Variants in SDK1 observed in about 807,000 individuals in gnomAD.
The protein encoded by SDK1 is sidekick cell adhesion molecule 1, also known as protein sidekick-1.
In SDK1, 157 loss-of-function variants were observed where a neutral mutation model predicts 245.5. The observed-to-expected ratio is 0.64, with a 90% CI of 0.56 to 0.73. SDK1 has a LOEUF of 0.73. Among genes scored for constraint, SDK1 ranks in the 30% least tolerant of loss-of-function variants. The pLI, the probability that SDK1 is intolerant of heterozygous loss-of-function variation, is 0.00. For synonymous variants in SDK1, 1,647 were observed against 1,278.5 expected, an observed-to-expected ratio of 1.29 and a Z score of -6.15; for missense variants, 3,583 against 3,002.3, an observed-to-expected ratio of 1.19 and a Z score of -4.52.
intron 1 of SDK1, among the ~76,000 whole-genome samples, chr7:3,523,256 T>G: frequency 6.6e-6 from 1 of 152,166 alleles, no homozygotes; most frequent in East Asian, 1.9e-4. Context: ...TAAAGAGCTC[T>G]TTCTCAATTA....
chr7:4,183,655 A>G (rs1782720591), intron 35 of SDK1, among the ~76,000 whole-genome samples: 1 of 152,008 alleles, frequency 6.6e-6, no homozygotes, highest in South Asian at 2.1e-4. Context: ...AAAAAAAAAA[A>G]AAAAGAAAGT....
rs553874737 is a variant in SDK1, at chr7:4,147,115, A to AC, written c.4423+1200dup. Among the ~76,000 whole-genome samples the AC allele has an allele frequency of 2.6e-4, 40 of 152,284 alleles. No individual in the cohort carries two copies. The East Asian group carries it at 6.4e-3, about 24-fold the overall frequency. On this transcript the variant is annotated intron_variant, in intron 29 of 44. Coordinates refer to ENST00000404826, the MANE Select transcript of SDK1 (RefSeq NM_152744.4). ...ACCCAGGGACCCTGTGGGAATGAGG[A>AC]CGGGAGGGAGCTTGCAGGCACCACT...
Position 4,029,228 on chromosome 7 carries a change from T to TTTTTTTTTTGTGTG in SDK1, c.2602+11877_2602+11878insTTTTTTTTGTGTGT, listed in dbSNP as rs746967075. On this transcript the variant is annotated intron_variant, in intron 17 of 44. Transcript: ENST00000404826. Reference sequence around the variant, plus strand: ...TTTTATTCTTTCTTTTTTTTTTTTTTTGTGAAGAAGTCTCACTCTGTCATC... The same window carrying TTTTTTTTTTGTGTG: ...TTTTATTCTTTCTTTTTTTTTTTTTTTTTTTTTTTGTGTGTGTGAAGAAGTCTCACTCTGTCATC... 5.1e-3 allele frequency among the ~76,000 whole-genome samples: 566 copies of TTTTTTTTTTGTGTG among 112,012 alleles called. 95 individuals carry two copies. The highest frequency in any genetic ancestry group is 0.027 in the African/African-American group (536 of 20,036). 73.5% of individuals were successfully genotyped at this position (112,012 alleles called of 152,430 possible). A position where few individuals can be genotyped will look rare whatever the true frequency, so the allele number is the denominator to read the frequency against.
chr7:4,155,110 G>C (rs999273640), intron 30 of SDK1, among the ~76,000 whole-genome samples: 2 of 151,958 alleles, frequency 1.3e-5, no homozygotes, highest in South Asian at 4.2e-4. Context: ...GGGGTTGATA[G>C]CACTGCCCTC....
chr7:3,673,003 G>T (rs1783768069), intron 4 of SDK1, among the ~76,000 whole-genome samples: 1 of 149,962 alleles, frequency 6.7e-6, no homozygotes. Context: ...TTTTAAATAA[G>T]CATCTTTGCT....
chr7:3,644,154 G>A (rs896330899), intron 4 of SDK1, among the ~76,000 whole-genome samples: 40 of 150,388 alleles, frequency 2.7e-4, no homozygotes, highest in African/African-American at 8.0e-4. Context: ...CACCTGCCTC[G>A]GCCTCCCAAA....
At chr7:4,184,327 A>T (rs969886858) in intron 35 of SDK1, among the ~76,000 whole-genome samples, 13 of 152,194 alleles carry the variant, frequency 8.5e-5, no homozygotes, top group East Asian at 3.9e-4. Flanking sequence ...TGCCTGTGTG[A>T]CCACGGGCAA....
At chr7:3,999,986 G>A (rs1784954561) in intron 14 of SDK1, among the ~76,000 whole-genome samples, 2 of 152,156 alleles carry the variant, frequency 1.3e-5, no homozygotes. Context: ...TGGTGTGAAA[G>A]CAAGTTTTTA....
At chr7:4,231,332 G>A (rs1785746417) in intron 40 of SDK1, among the ~76,000 whole-genome samples, 1 of 151,998 alleles carries the variant, frequency 6.6e-6, no homozygotes, top group African/African-American at 2.4e-5. Context: ...GAGAGGCCAA[G>A]GCAGGCAGAT....
At chr7:3,338,342 C>T (rs965899339) in intron 1 of SDK1, 3 of 506,126 alleles carry the variant, frequency 5.9e-6, no homozygotes, top group African/African-American at 2.0e-5. Context: ...ATGCTGTTGG[C>T]ATTGTAAACA....
chr7:4,155,888 A>G (rs1441761990), intron 30 of SDK1, among the ~76,000 whole-genome samples: 2 of 152,156 alleles, frequency 1.3e-5, no homozygotes, highest in African/African-American at 4.8e-5. Context: ...TCGTCAAGGA[A>G]ATGTCACCCA....
intron 22 of SDK1, among the ~76,000 whole-genome samples, chr7:4,091,928 G>T (rs573182008): frequency 3.9e-5 from 6 of 152,160 alleles, no homozygotes; most frequent in Non-Finnish European, 7.4e-5. Context: ...CCACCTTCCT[G>T]GCCTTCATCA....
rs780044509 is a variant in SDK1, at chr7:4,051,803, C to T, written c.2884C>T (p.Pro962Ser). The T allele has an allele frequency of 1.9e-5, 31 of 1,613,120 alleles. No individual in the cohort carries two copies. Among genetic ancestry groups the T allele is most frequent in the Admixed American group, 6.7e-5 (4 of 59,826 alleles). ...TTPGDGPPST[P>S]QLVWTQEDKP... The stretch of plus-strand genomic sequence containing the variant: ...CCCTGGGGACGGGCCTCCCAGCACA[C>T]CTCAGCTGGTCTGGACTCAGGAAGA... The change falls in exon 19 of 45, where the codon CCT becomes TCT. Residue 962 changes from proline to serine, a missense_variant. Transcript: ENST00000404826.
At chr7:3,449,622 T>C (rs1389867019) in intron 1 of SDK1, among the ~76,000 whole-genome samples, 2 of 152,242 alleles carry the variant, frequency 1.3e-5, no homozygotes, top group Non-Finnish European at 1.5e-5. Context: ...TAAGGAAATA[T>C]AATGTGCTAC....
Position 4,268,582 on chromosome 7 carries a change from G to C in SDK1, c.*3198G>C. On this transcript the variant is annotated 3_prime_UTR_variant, in exon 45 of 45. Transcript: ENST00000404826. Reference sequence around the variant, plus strand: ...GCTCACTCTGTACAGGTCTTCGGAGGCCGTGTTTGTATCTAACTGTGACTG... The same window carrying C: ...GCTCACTCTGTACAGGTCTTCGGAGCCCGTGTTTGTATCTAACTGTGACTG... 1.5e-6 allele frequency: 2 copies of C among 1,354,064 alleles called. No individual in the cohort carries two copies. The highest frequency in any genetic ancestry group is 2.3e-5 in the South Asian group (2 of 85,656). The allele number at this position is 1,354,064 out of a possible 1,614,324, so 83.9% of individuals were successfully genotyped here.
intron 25 of SDK1, among the ~76,000 whole-genome samples, chr7:4,119,527 G>A (rs1783930473): frequency 6.7e-6 from 1 of 148,588 alleles, no homozygotes. Flanking sequence ...AAATCTGTGT[G>A]TAATATCTTC....
At chr7:3,701,064 G>T (rs866933818) in intron 4 of SDK1, among the ~76,000 whole-genome samples, 1 of 152,086 alleles carries the variant, frequency 6.6e-6, no homozygotes, top group African/African-American at 2.4e-5. Flanking sequence ...GGCTATCTAC[G>T]TAGAAAATTC....
At chr7:3,398,785 T>G (rs550394485) in intron 1 of SDK1, among the ~76,000 whole-genome samples, 12 of 136,732 alleles carry the variant, frequency 8.8e-5, no homozygotes, top group African/African-American at 3.1e-4. Flanking sequence ...TTTTTTTTTT[T>G]CCTCAAGCTA....
intron 4 of SDK1, among the ~76,000 whole-genome samples, chr7:3,800,741 C>T (rs1186533780): frequency 1.3e-5 from 2 of 152,036 alleles, no homozygotes; most frequent in East Asian, 1.9e-4. Flanking sequence ...CAGAGTTTTT[C>T]GTCTGGATCA....
Sources: gnomAD v4.1 joint callset for allele counts (sites outside exome capture counted in the v4.1 genomes callset) on GRCh38, gnomAD v4.1.1 for gene constraint, MANE v1.5 for transcripts, NCBI Gene and HGNC (gene_info 2026-07-23, HGNC 2026-07-21) for gene names.